The following KIRREL3 variants were observed in gnomAD, a reference collection of about 807,000 sequenced individuals.
KIRREL3 encodes the protein kirre like nephrin family adhesion molecule 3.
A neutral mutation model predicts 89.7 loss-of-function variants in KIRREL3; 36 were observed. The ratio of observed to expected loss-of-function variants is 0.40; its 90% CI spans 0.31 to 0.53. KIRREL3 has a LOEUF of 0.53. Ranked by LOEUF, KIRREL3 falls within the 20% of genes least tolerant of loss-of-function variation. The pLI, the probability that KIRREL3 is intolerant of heterozygous loss-of-function variation, is 0.49. For synonymous variants in KIRREL3, 445 were observed against 441.4 expected, an observed-to-expected ratio of 1.01 and a Z score of -0.10; for missense variants, 864 against 1,056.6, an observed-to-expected ratio of 0.82 and a Z score of 2.53.
At chr11:126,829,981 A>G (rs139448813) in intron 1 of KIRREL3, among the ~76,000 whole-genome samples, 2 of 152,308 alleles carry the variant, frequency 1.3e-5, no homozygotes, top group Non-Finnish European at 2.9e-5. Flanking sequence ...CTCTAACCAC[A>G]CAAGCAATCT....
rs1312530151 is a variant in KIRREL3, at chr11:126,791,848, G to T, written c.55+208607C>A. Reference sequence around the variant, plus strand: ...GGCTGTAGGGGCGGTTTCTCAGAGTGTGAGGTATGGGAATGTGGATGTAGC... The same window carrying T: ...GGCTGTAGGGGCGGTTTCTCAGAGTTTGAGGTATGGGAATGTGGATGTAGC... On this transcript the variant is annotated intron_variant, in intron 1 of 16. Coordinates refer to ENST00000525144, the MANE Select transcript of KIRREL3 (RefSeq NM_032531.4). The surrounding 1 kb of genome is among the most constrained non-coding windows in gnomAD (Gnocchi z 4.8). Among the ~76,000 whole-genome samples, 1 of 152,210 alleles carries T rather than the reference G, an allele frequency of 6.6e-6. No individual in the cohort carries two copies. The highest frequency in any genetic ancestry group is 1.9e-4 in the East Asian group (1 of 5,186).
chr11:126,765,874 C>A (rs900786250), intron 1 of KIRREL3, among the ~76,000 whole-genome samples: 1 of 152,088 alleles, frequency 6.6e-6, no homozygotes, highest in African/African-American at 2.4e-5. Context: ...TTAAATCCTT[C>A]CCCCCAACTC....
chr11:126,992,788 G>A (rs767447122), intron 1 of KIRREL3, among the ~76,000 whole-genome samples: 71 of 152,230 alleles, frequency 4.7e-4, no homozygotes, highest in African/African-American at 1.2e-3. Flanking sequence ...GGCTGCCTGC[G>A]CCTCTAACTA....
At position 126,643,200 on chromosome 11, in the gene KIRREL3, G is replaced by C. The variant is rs1488012942; in HGVS notation, c.56-80288C>G. On this transcript the variant is annotated intron_variant, in intron 1 of 16. Coordinates refer to ENST00000525144, the MANE Select transcript of KIRREL3 (RefSeq NM_032531.4). The surrounding 1 kb of genome is among the most constrained non-coding windows in gnomAD (Gnocchi z 4.5). ...TATTTCTATAACAAGAATATTAATG[G>C]TATCTATTTCATAGGGTTAACATGG... Among the ~76,000 whole-genome samples the C allele has an allele frequency of 1.1e-4, 17 of 152,126 alleles. No homozygotes were observed. The highest frequency in any genetic ancestry group is 1.1e-3 in the Admixed American group (17 of 15,272).
At chr11:126,732,810 G>T (rs989922387) in intron 1 of KIRREL3, among the ~76,000 whole-genome samples, 4 of 152,238 alleles carry the variant, frequency 2.6e-5, no homozygotes, top group Non-Finnish European at 5.9e-5. Flanking sequence ...CTGCAGAGTG[G>T]AAAAGGCCAG....
rs1277780460 is a variant in KIRREL3 at position 126,641,295 on chromosome 11, T to C, written c.56-78383A>G. 1.3e-5 allele frequency among the ~76,000 whole-genome samples: 2 copies of C among 152,054 alleles called. No homozygotes were observed. Among genetic ancestry groups the C allele is most frequent in the East Asian group, 3.9e-4 (2 of 5,184 alleles). On this transcript the variant is annotated intron_variant, in intron 1 of 16. Transcript: ENST00000525144. This position sits in a 1 kb window ranked among gnomAD's most constrained non-coding sequence, Gnocchi z 5.0. Reference sequence around the variant, plus strand: ...TGCTACTTTCTTGGCCCGAGCCTCATCACTTGTTGCTCAGATGGTTGTTAC... The same window carrying C: ...TGCTACTTTCTTGGCCCGAGCCTCACCACTTGTTGCTCAGATGGTTGTTAC...
At chr11:126,488,901 G>A (rs1957437006) in intron 4 of KIRREL3, among the ~76,000 whole-genome samples, 1 of 152,244 alleles carries the variant, frequency 6.6e-6, no homozygotes, top group Non-Finnish European at 1.5e-5. Flanking sequence ...TCTCCAGCCA[G>A]GAAGACGGGA....
intron 1 of KIRREL3, among the ~76,000 whole-genome samples, chr11:126,662,350 T>C (rs1440998725): frequency 1.3e-5 from 2 of 152,184 alleles, no homozygotes; most frequent in Non-Finnish European, 2.9e-5. Flanking sequence ...ACTAGAGGCT[T>C]ATGAAAGCCA....
chr11:126,820,878 C>T (rs2134452417), intron 1 of KIRREL3, among the ~76,000 whole-genome samples: 1 of 152,248 alleles, frequency 6.6e-6, no homozygotes, highest in South Asian at 2.1e-4. Flanking sequence ...GAGACATTGA[C>T]AGCTACCTTG....
At chr11:126,810,436 C>G (rs1226915202) in intron 1 of KIRREL3, among the ~76,000 whole-genome samples, 1 of 152,178 alleles carries the variant, frequency 6.6e-6, no homozygotes, top group Non-Finnish European at 1.5e-5. Context: ...CTGGTCAGCA[C>G]TTTAAAAATA....
Position 126,642,500 on chromosome 11 carries a change from C to G in KIRREL3, c.56-79588G>C, listed in dbSNP as rs1236424630. Reference sequence around the variant, plus strand: ...AAATGTTAACTCTGCCCTGCACTTTCCATTCCCCATCCCCTTTCCTCTGCC... The same window carrying G: ...AAATGTTAACTCTGCCCTGCACTTTGCATTCCCCATCCCCTTTCCTCTGCC... On this transcript the variant is annotated intron_variant, in intron 1 of 16. Coordinates refer to ENST00000525144, the MANE Select transcript of KIRREL3 (RefSeq NM_032531.4). The surrounding 1 kb of genome is among the most constrained non-coding windows in gnomAD (Gnocchi z 4.9). Among the ~76,000 whole-genome samples the G allele has an allele frequency of 6.6e-6, 1 of 152,238 alleles. No individual in the cohort carries two copies. The highest frequency in any genetic ancestry group is 2.4e-5 in the African/African-American group (1 of 41,456).
intron 1 of KIRREL3, among the ~76,000 whole-genome samples, chr11:126,701,431 A>G (rs1947310168): frequency 6.6e-6 from 1 of 152,024 alleles, no homozygotes; most frequent in Non-Finnish European, 1.5e-5. Context: ...GAGGGACAGC[A>G]GGGAGGAAGC....
chr11:126,560,142 A>G (rs1487881692), intron 2 of KIRREL3, among the ~76,000 whole-genome samples: 2 of 152,260 alleles, frequency 1.3e-5, no homozygotes. Flanking sequence ...CATGAAGACA[A>G]TGATCTCAAA....
intron 1 of KIRREL3, among the ~76,000 whole-genome samples, chr11:126,959,055 T>C (rs1419477210): frequency 1.3e-5 from 2 of 152,106 alleles, no homozygotes; most frequent in African/African-American, 4.8e-5. Context: ...TCTCTCTCTC[T>C]CCCCTGAATA....
Position 126,978,755 on chromosome 11 carries a change from C to G in KIRREL3, c.55+21700G>C, listed in dbSNP as rs535218856. 7.2e-5 allele frequency among the ~76,000 whole-genome samples: 11 copies of G among 152,302 alleles called. No individual in the cohort carries two copies. In the East Asian group the frequency reaches 2.1e-3, roughly 29 times the overall value. On this transcript the variant is annotated intron_variant, in intron 1 of 16. Transcript: ENST00000525144. The surrounding 1 kb of genome is among the most constrained non-coding windows in gnomAD (Gnocchi z 4.2). ...GGAGTTTCTCTGAGCTCTGTTCCCC[C>G]AAGGTGGGCTAGGCAACCCTAGTGT...
chr11:126,598,568 A>C (rs1392584738), intron 1 of KIRREL3, among the ~76,000 whole-genome samples: 1 of 152,148 alleles, frequency 6.6e-6, no homozygotes, highest in African/African-American at 2.4e-5. Flanking sequence ...CAGCCATTTT[A>C]TGACCATGAG....
intron 1 of KIRREL3, among the ~76,000 whole-genome samples, chr11:126,781,789 T>C (rs1204632721): frequency 6.6e-6 from 1 of 152,180 alleles, no homozygotes; most frequent in East Asian, 1.9e-4. Flanking sequence ...CTCTCAAGAA[T>C]AAAAGGAATG....
chr11:126,459,773 G>T lies in KIRREL3; in HGVS notation c.743-3319C>A, dbSNP rs1357272418. Among the ~76,000 whole-genome samples the T allele has an allele frequency of 2.6e-5, 4 of 151,990 alleles. No homozygotes were observed. The highest frequency in any genetic ancestry group is 9.7e-5 in the African/African-American group (4 of 41,352). On this transcript the variant is annotated intron_variant, in intron 6 of 16. Coordinates refer to ENST00000525144, the MANE Select transcript of KIRREL3 (RefSeq NM_032531.4). The surrounding 1 kb of genome is among the most constrained non-coding windows in gnomAD (Gnocchi z 4.8). Reference sequence around the variant, plus strand: ...AGGGGAAGTATTACATGGAGGAGAGGGTGGGAAAAGAGAGAATCTTCATGA... The same window carrying T: ...AGGGGAAGTATTACATGGAGGAGAGTGTGGGAAAAGAGAGAATCTTCATGA...
rs552278785 is a variant in KIRREL3 at position 126,594,784 on chromosome 11, A to C, written c.56-31872T>G. ...AGAACATAGAAGGGGTTGTTTTCCT[A>C]AAGCTCATATAAAATTCTGAAGCCT... On this transcript the variant is annotated intron_variant, in intron 1 of 16. Transcript: ENST00000525144. The surrounding 1 kb of genome is among the most constrained non-coding windows in gnomAD (Gnocchi z 5.0). Among the ~76,000 whole-genome samples, 1 of 152,346 alleles carries C rather than the reference A, an allele frequency of 6.6e-6. No individual in the cohort carries two copies. The highest frequency in any genetic ancestry group is 1.9e-4 in the East Asian group (1 of 5,190).
Sources: allele counts gnomAD v4.1 joint callset (sites outside exome capture counted in the v4.1 genomes callset), GRCh38; gene constraint gnomAD v4.1.1; non-coding constraint Gnocchi (gnomAD v3.1); transcripts MANE v1.5; gene names NCBI Gene and HGNC (gene_info 2026-07-23, HGNC 2026-07-21).